The following FANCD2 variants were observed in gnomAD, a reference collection of about 807,000 sequenced individuals.
The protein encoded by FANCD2 is FA complementation group D2.
A neutral mutation model predicts 192.3 loss-of-function variants in FANCD2; 131 were observed. The observed-to-expected ratio is 0.68, with a 90% CI of 0.59 to 0.79. The LOEUF (loss-of-function observed/expected upper bound fraction) is 0.79. Ranked by LOEUF, FANCD2 falls within the 30% of genes least tolerant of loss-of-function variation. The pLI is 0.00. For missense variants in FANCD2, 1,508 were observed against 1,701.6 expected, an observed-to-expected ratio of 0.89 and a Z score of 2.00; for synonymous variants, 524 against 612.5, an observed-to-expected ratio of 0.86 and a Z score of 2.13.
chr3:10,036,173 G>C, intron 6 of FANCD2, 114 bp from the exon 7 acceptor site: 4 of 747,430 alleles, frequency 5.4e-6, no homozygotes, highest in Non-Finnish European at 9.3e-6. Flanking sequence ...TGCAATCTCT[G>C]CCTTCCCCAG....
At chr3:10,033,029 T>G (rs752799639) in intron 3 of FANCD2, 57 bp downstream of exon 3, 18 of 1,316,950 alleles carry the variant, frequency 1.4e-5, no homozygotes, top group Non-Finnish European at 1.7e-5. Flanking sequence ...CAGGACTGAA[T>G]CATGGGTTTT....
At chr3:10,067,720 C>T (rs1444460367) in intron 26 of FANCD2, among the ~76,000 whole-genome samples, 1 of 152,134 alleles carries the variant, frequency 6.6e-6, no homozygotes, top group Non-Finnish European at 1.5e-5. Flanking sequence ...ATCGCTTGAA[C>T]CTGGGAGGCG....
At chr3:10,038,682 G>A (rs566342137) in intron 7 of FANCD2, among the ~76,000 whole-genome samples, 210 of 150,730 alleles carry the variant, frequency 1.4e-3, no homozygotes, top group African/African-American at 4.9e-3. Context: ...CTGGGTTCAA[G>A]CGATTCTCCT....
At chr3:10,037,106 A>G (rs1377094124) in intron 7 of FANCD2, among the ~76,000 whole-genome samples, 1 of 151,594 alleles carries the variant, frequency 6.6e-6, no homozygotes, top group Non-Finnish European at 1.5e-5. Flanking sequence ...TTAGCCTCTC[A>G]AACTACTGGG....
At chr3:10,045,525 A>T (rs578216759) in intron 14 of FANCD2, 1 of 151,296 alleles carries the variant, frequency 6.6e-6, no homozygotes, top group African/African-American at 2.4e-5. Context: ...ACTCCATCAT[A>T]ATTTATTGAA....
At chr3:10,039,957 T>TA (rs958391957) in intron 9 of FANCD2, 112 bp downstream of exon 9, 13 of 1,232,924 alleles carry the variant, frequency 1.1e-5, no homozygotes, top group Non-Finnish European at 8.2e-6. Context: ...AAGAGGATGA[T>TA]ACCCCCCTTC....
At chr3:10,061,769 C>T (rs1186240581) in intron 19 of FANCD2, among the ~76,000 whole-genome samples, 1 of 152,134 alleles carries the variant, frequency 6.6e-6, no homozygotes, top group African/African-American at 2.4e-5. Context: ...CTCTTCGCTG[C>T]CTTCATGCAC....
At chr3:10,063,003 G>C (rs773490965) in intron 20 of FANCD2, among the ~76,000 whole-genome samples, 7 of 152,132 alleles carry the variant, frequency 4.6e-5, no homozygotes, top group Non-Finnish European at 8.8e-5. Flanking sequence ...TCCCAGGCCA[G>C]TTGCATTTAT....
chr3:10,083,283 A>G (rs1693958906), intron 32 of FANCD2, among the ~76,000 whole-genome samples: 1 of 152,154 alleles, frequency 6.6e-6, no homozygotes, highest in African/African-American at 2.4e-5. Flanking sequence ...AAAATAAACC[A>G]TCTCTAAAAA....
chr3:10,028,567 T>A (rs1263939193), intron 1 of FANCD2, 58 bp from the exon 2 acceptor site: 2 of 1,177,062 alleles, frequency 1.7e-6, no homozygotes, highest in Non-Finnish European at 2.5e-6. Flanking sequence ...AACAATAGCT[T>A]TAACTTCTCA....
intron 17 of FANCD2, among the ~76,000 whole-genome samples, chr3:10,051,822 A>T (rs1407197915): frequency 1.3e-5 from 2 of 152,204 alleles, no homozygotes; most frequent in African/African-American, 4.8e-5. Flanking sequence ...TATTATCACC[A>T]TGTTATAGAT....
At chr3:10,062,494 G>A (rs34549096) in intron 20 of FANCD2, among the ~76,000 whole-genome samples, 34 of 151,806 alleles carry the variant, frequency 2.2e-4, no homozygotes, top group Non-Finnish European at 3.4e-4. Flanking sequence ...CACCTGCCTC[G>A]GCCTCCCAAA....
intron 2 of FANCD2, 98 bp from the exon 3 acceptor site, chr3:10,032,734 G>GTT: frequency 9.7e-7 from 1 of 1,026,342 alleles, no homozygotes; most frequent in Non-Finnish European, 1.5e-6. Flanking sequence ...AATTTTTAAG[G>GTT]ACACATCAGT....
At chr3:10,030,506 G>A (rs2086565706) in intron 2 of FANCD2, among the ~76,000 whole-genome samples, 1 of 152,122 alleles carries the variant, frequency 6.6e-6, no homozygotes, top group East Asian at 1.9e-4. Flanking sequence ...CTGATTCTTG[G>A]TCAATTCAAC....
intron 14 of FANCD2, chr3:10,045,690 C>T (rs908585797): frequency 6.7e-6 from 1 of 149,116 alleles, no homozygotes; most frequent in African/African-American, 2.5e-5. Context: ...CAACCTCTGT[C>T]ACCCGGGTTC....
chr3:10,095,192 G>T lies in FANCD2; in HGVS notation c.3964-8G>T. 1.2e-6 allele frequency: 2 copies of T among 1,609,958 alleles called. No individual in the cohort carries two copies. The highest frequency in any genetic ancestry group is 1.7e-6 in the Non-Finnish European group (2 of 1,176,276). Reference sequence around the variant, plus strand: ...TTCATAGAGCATTTATAAACTTATTGGTTATAGGAAGATGTTCTGAGCTTA... The same window carrying T: ...TTCATAGAGCATTTATAAACTTATTTGTTATAGGAAGATGTTCTGAGCTTA... On this transcript the variant is annotated splice_polypyrimidine_tract_variant and splice_region_variant and intron_variant, in intron 40 of 43. Transcript: ENST00000675286.
chr3:10,059,231 C>T (rs1330890151), intron 18 of FANCD2, among the ~76,000 whole-genome samples: 1 of 152,054 alleles, frequency 6.6e-6, no homozygotes, highest in Non-Finnish European at 1.5e-5. Context: ...CCAGGCTGGT[C>T]TTGAACTCCT....
intron 42 of FANCD2, among the ~76,000 whole-genome samples, chr3:10,098,138 A>G (rs1695088233): frequency 2.0e-5 from 3 of 152,226 alleles, no homozygotes; most frequent in Admixed American, 2.0e-4. Flanking sequence ...GAAATATATA[A>G]AACAGCACCA....
At chr3:10,073,935 C>T (rs7625049) in intron 28 of FANCD2, among the ~76,000 whole-genome samples, 34,291 of 151,680 alleles carry the variant, frequency 0.23, 4,990 homozygotes, top group African/African-American at 0.42. Flanking sequence ...CCTAAGCTCA[C>T]AGTTTTTTGT....
Sources: gnomAD v4.1 joint callset for allele counts (sites outside exome capture counted in the v4.1 genomes callset) on GRCh38, gnomAD v4.1.1 for gene constraint, MANE v1.5 for transcripts, NCBI Gene and HGNC (gene_info 2026-07-23, HGNC 2026-07-21) for gene names.